ANKRD13C: variants seen among roughly 807,000 people sequenced by gnomAD.
The protein encoded by ANKRD13C is ankyrin repeat domain 13C.
ANKRD13C carries 16 observed loss-of-function variants against 65.5 expected under a neutral mutation model. That is an observed-to-expected ratio of 0.24 (90% CI 0.17 to 0.37). The LOEUF (loss-of-function observed/expected upper bound fraction) is 0.37. Among genes scored for constraint, ANKRD13C ranks in the 10% least tolerant of loss-of-function variants. The pLI is 1.00. For missense variants in ANKRD13C, 503 were observed against 655.9 expected (o/e 0.77, Z 2.55); for synonymous variants, 235 against 238.7 (o/e 0.98, Z 0.14).
chr1:70,300,484 A>T (rs867552403), intron 7 of ANKRD13C, among the ~76,000 whole-genome samples: 1 of 152,076 alleles, frequency 6.6e-6, no homozygotes, highest in Non-Finnish European at 1.5e-5. Flanking sequence ...GCTACCCTGA[A>T]GGCTGAGGCT....
At position 70,260,926 on chromosome 1, in the gene ANKRD13C, T is replaced by C. The variant is rs1189391488; in HGVS notation, c.*1791A>G. 1 of 152,104 alleles carries C rather than the reference T, an allele frequency of 6.6e-6. No individual in the cohort carries two copies. The highest frequency in any genetic ancestry group is 1.5e-5 in the Non-Finnish European group (1 of 67,950). The allele number at this position is 152,104 out of a possible 1,614,324, so 9.4% of individuals were successfully genotyped here. On this transcript the variant is annotated 3_prime_UTR_variant, in exon 13 of 13. Transcript: ENST00000370944. ...CATATATAGCATATTCCTGAAAGTATACCATATTCCTACAAAGTAAGGGAG... is the reference window on the plus strand; with the variant it reads ...CATATATAGCATATTCCTGAAAGTACACCATATTCCTACAAAGTAAGGGAG...
At chr1:70,292,094 G>C (rs890204950) in intron 9 of ANKRD13C, 1 of 169,606 alleles carries the variant, frequency 5.9e-6, no homozygotes, top group African/African-American at 2.4e-5. Flanking sequence ...ACTCCAGCCT[G>C]GGCAACACAG....
intron 2 of ANKRD13C, among the ~76,000 whole-genome samples, chr1:70,334,344 A>C (rs777175248): frequency 2.6e-5 from 4 of 152,188 alleles, no homozygotes; most frequent in Non-Finnish European, 5.9e-5. Context: ...AAATTATATT[A>C]TCCTGTGGAT....
chr1:70,312,519 A>G (rs1388092221), intron 5 of ANKRD13C, among the ~76,000 whole-genome samples: 1 of 152,144 alleles, frequency 6.6e-6, no homozygotes, highest in East Asian at 1.9e-4. Context: ...AGAGAAAACT[A>G]TAGAGCCACA....
chr1:70,283,493 T>G (rs1362229937), intron 9 of ANKRD13C, among the ~76,000 whole-genome samples: 2 of 152,090 alleles, frequency 1.3e-5, no homozygotes, highest in East Asian at 1.9e-4. Context: ...TATTTTATTA[T>G]GTATTCCTCT....
intron 10 of ANKRD13C, among the ~76,000 whole-genome samples, 196 bp downstream of exon 10, chr1:70,276,567 CAA>C (rs869068240): frequency 6.6e-6 from 1 of 152,072 alleles, no homozygotes; most frequent in African/African-American, 2.4e-5. Context: ...CAACCATTTG[CAA>C]AGAGGGTACA....
intron 3 of ANKRD13C, among the ~76,000 whole-genome samples, chr1:70,317,855 G>A (rs12745654): frequency 2.7e-5 from 4 of 149,662 alleles, no homozygotes; most frequent in Non-Finnish European, 5.9e-5. Flanking sequence ...AGATAAAAAG[G>A]GTCTTTCAAT....
At chr1:70,332,717 C>T (rs1396109348) in intron 2 of ANKRD13C, among the ~76,000 whole-genome samples, 1 of 152,094 alleles carries the variant, frequency 6.6e-6, no homozygotes, top group Non-Finnish European at 1.5e-5. Flanking sequence ...CTGCCCGCCT[C>T]GGCCTCCCAA....
At chr1:70,307,358 G>A (rs1158035765) in intron 5 of ANKRD13C, among the ~76,000 whole-genome samples, 3 of 151,506 alleles carry the variant, frequency 2.0e-5, no homozygotes, top group Admixed American at 6.6e-5. Context: ...GCAACATGGC[G>A]AAACCCCATC....
chr1:70,320,191 T>C (rs1006167671), intron 3 of ANKRD13C, among the ~76,000 whole-genome samples: 1 of 152,218 alleles, frequency 6.6e-6, no homozygotes, highest in African/African-American at 2.4e-5. Flanking sequence ...AAGGAAGTGA[T>C]AGTATCATAC....
intron 2 of ANKRD13C, among the ~76,000 whole-genome samples, chr1:70,330,891 CCTTA>C (rs201641839): frequency 6.6e-5 from 10 of 151,534 alleles, no homozygotes; most frequent in Non-Finnish European, 1.3e-4. Context: ...CTGAAACCTT[CCTTA>C]CTTAAGTATA....
At chr1:70,319,499 C>G (rs542103246) in intron 3 of ANKRD13C, among the ~76,000 whole-genome samples, 63 of 151,418 alleles carry the variant, frequency 4.2e-4, no homozygotes, top group African/African-American at 5.8e-4. Context: ...CTCAGCTACT[C>G]GGGAGACTGG....
intron 2 of ANKRD13C, 27 bp from the exon 3 acceptor site, chr1:70,324,984 A>C: frequency 6.7e-7 from 1 of 1,495,366 alleles, no homozygotes; most frequent in Non-Finnish European, 9.2e-7. Flanking sequence ...TAATAATATC[A>C]AACATCATGC....
At chr1:70,291,159 T>A (rs1241921460) in intron 9 of ANKRD13C, among the ~76,000 whole-genome samples, 1 of 151,924 alleles carries the variant, frequency 6.6e-6, no homozygotes, top group African/African-American at 2.4e-5. Flanking sequence ...GCCTTCCGAG[T>A]AGCTGGGATT....
chr1:70,345,186 T>A (rs1682474061), intron 1 of ANKRD13C, among the ~76,000 whole-genome samples: 1 of 152,012 alleles, frequency 6.6e-6, no homozygotes, highest in African/African-American at 2.4e-5. Context: ...TCCCAATACT[T>A]TGGGAGGACG....
At chr1:70,272,239 T>C (rs1431974555) in intron 11 of ANKRD13C, among the ~76,000 whole-genome samples, 1 of 152,082 alleles carries the variant, frequency 6.6e-6, no homozygotes, top group Non-Finnish European at 1.5e-5. Flanking sequence ...TTCTTTTTTT[T>C]TTTGAGATGG....
At chr1:70,287,302 T>A (rs1679664876) in intron 9 of ANKRD13C, among the ~76,000 whole-genome samples, 1 of 151,836 alleles carries the variant, frequency 6.6e-6, no homozygotes, top group Middle Eastern at 3.4e-3. Flanking sequence ...TTCAACACCA[T>A]CCCTATACAA....
Position 70,354,514 on chromosome 1 carries a change from C to A in ANKRD13C, c.-106G>T. 6.9e-7 allele frequency: 1 copy of A among 1,456,446 alleles called. No homozygotes were observed. The highest frequency in any genetic ancestry group is 1.4e-5 in the South Asian group (1 of 69,730). The allele number at this position is 1,456,446 out of a possible 1,614,324, so 90.2% of individuals were successfully genotyped here. ...TAGAGCGGTGGCCAAGAGCCTCCAG[C>A]GCAGCATGAACTCCCACTGAGCCCC... On this transcript the variant is annotated 5_prime_UTR_variant, in exon 1 of 13. Transcript: ENST00000370944.
chr1:70,268,049 G>A (rs1270139850), intron 12 of ANKRD13C, among the ~76,000 whole-genome samples: 2 of 152,084 alleles, frequency 1.3e-5, no homozygotes, highest in South Asian at 2.1e-4. Context: ...TGTTGTTGTT[G>A]TTGTTTTTTG....
Sources: allele counts gnomAD v4.1 joint callset (sites outside exome capture counted in the v4.1 genomes callset), GRCh38; gene constraint gnomAD v4.1.1; transcripts MANE v1.5; gene names NCBI Gene and HGNC (gene_info 2026-07-23, HGNC 2026-07-21).